The following SVIL variants were observed in gnomAD, a reference collection of about 807,000 sequenced individuals.
SVIL encodes archvillin.
In SVIL, 101 loss-of-function variants were observed where a neutral mutation model predicts 240.4. The ratio of observed to expected loss-of-function variants is 0.42; its 90% CI spans 0.36 to 0.50. The LOEUF is 0.50. Among genes scored for constraint, SVIL ranks in the 20% least tolerant of loss-of-function variants. The pLI, the probability that SVIL is intolerant of heterozygous loss-of-function variation, is 0.01. For missense variants in SVIL, 2,512 were observed against 2,818.7 expected, an observed-to-expected ratio of 0.89 and a Z score of 2.46; for synonymous variants, 999 against 1,100.0, an observed-to-expected ratio of 0.91 and a Z score of 1.82.
intron 17 of SVIL, among the ~76,000 whole-genome samples, chr10:29,506,702 A>G (rs1949337467): frequency 7.6e-6 from 1 of 131,588 alleles, no homozygotes; most frequent in South Asian, 2.5e-4. Context: ...CAGAGGCCCT[A>G]CGAGGGAGGG....
intron 17 of SVIL, among the ~76,000 whole-genome samples, chr10:29,505,927 CAA>C (rs1325549797): frequency 1.3e-5 from 2 of 152,184 alleles, no homozygotes; most frequent in African/African-American, 4.8e-5. Context: ...CACAGATGCT[CAA>C]GTCCCTGATG....
chr10:29,564,706 T>C (rs1194943846), intron 2 of SVIL, among the ~76,000 whole-genome samples: 2 of 152,222 alleles, frequency 1.3e-5, no homozygotes, highest in African/African-American at 4.8e-5. Context: ...CAAGCCCATC[T>C]GAAATCTTCG....
At chr10:29,493,128 C>A (rs1948124575) in intron 21 of SVIL, 86 bp downstream of exon 21, 10 of 1,437,150 alleles carry the variant, frequency 7.0e-6, no homozygotes, top group Non-Finnish European at 9.4e-6. Flanking sequence ...GGAGGCCACA[C>A]TGGGGGAAAA....
intron 1 of SVIL, among the ~76,000 whole-genome samples, chr10:29,731,172 T>C (rs1308362980): frequency 1.0e-5 from 1 of 99,124 alleles, no homozygotes; most frequent in African/African-American, 4.9e-5. Context: ...CTAGCCCTCA[T>C]ACTTGAAGTA....
chr10:29,730,992 TTAAGGACATGTACG>T (rs1964586893), intron 1 of SVIL, among the ~76,000 whole-genome samples: 1 of 152,190 alleles, frequency 6.6e-6, no homozygotes, highest in African/African-American at 2.4e-5. Context: ...GAAATCTTTT[TTAAGGACATGTACG>T]TAAAATTTGA....
In SVIL at chr10:29,535,053, T is replaced by C. The variant is rs370408887; in HGVS notation, c.908+936A>G. On this transcript the variant is annotated intron_variant, in intron 7 of 37. Transcript: ENST00000355867. Reference sequence around the variant, plus strand: ...AAAAGTAATTATTTATGATGTGCACTGTATGGAAAAGAATAGTTTATTTAA... The same window carrying C: ...AAAAGTAATTATTTATGATGTGCACCGTATGGAAAAGAATAGTTTATTTAA... 8.8e-4 allele frequency among the ~76,000 whole-genome samples: 134 copies of C among 152,302 alleles called. 2 individuals carry two copies. The South Asian group carries it at 0.021, about 24-fold the overall frequency.
chr10:29,533,858 G>A (rs146165480), intron 7 of SVIL, among the ~76,000 whole-genome samples: 17 of 152,244 alleles, frequency 1.1e-4, no homozygotes, highest in East Asian at 9.6e-4. Flanking sequence ...CCCAGAACAC[G>A]GACTGTGGGG....
intron 1 of SVIL, among the ~76,000 whole-genome samples, chr10:29,686,993 C>A (rs936029336): frequency 2.0e-5 from 3 of 152,170 alleles, no homozygotes; most frequent in African/African-American, 7.2e-5. Flanking sequence ...AAACTCCTTA[C>A]GCAAAATAAA....
At chr10:29,594,653 C>T (rs957791995) in intron 1 of SVIL, among the ~76,000 whole-genome samples, 1 of 151,350 alleles carries the variant, frequency 6.6e-6, no homozygotes, top group Non-Finnish European at 1.5e-5. Context: ...GCCTCCTGGG[C>T]TCAGGTGACC....
intron 21 of SVIL, 27 bp from the exon 22 acceptor site, chr10:29,491,046 C>T (rs1192645839): frequency 1.9e-5 from 30 of 1,602,490 alleles, no homozygotes; most frequent in Non-Finnish European, 2.5e-5. Context: ...AGCCGCGGTC[C>T]CAGTCTGTGA....
At chr10:29,506,572 G>C (rs71493703) in intron 17 of SVIL, among the ~76,000 whole-genome samples, 20,157 of 149,420 alleles carry the variant, frequency 0.13, 1,561 homozygotes, top group African/African-American at 0.22. Context: ...GGCCACCTGA[G>C]AGCTAAGAAA....
chr10:29,701,673 T>C (rs1962525899), intron 1 of SVIL, among the ~76,000 whole-genome samples: 1 of 152,194 alleles, frequency 6.6e-6, no homozygotes, highest in Non-Finnish European at 1.5e-5. Flanking sequence ...AAATCATTCA[T>C]CACAAATACA....
intron 16 of SVIL, among the ~76,000 whole-genome samples, chr10:29,516,590 C>A (rs187452285): frequency 2.0e-5 from 3 of 152,332 alleles, no homozygotes; most frequent in African/African-American, 7.2e-5. Flanking sequence ...CCTGCCGGTG[C>A]AATTCAAACA....
At chr10:29,630,059 A>T (rs553072535) in intron 1 of SVIL, among the ~76,000 whole-genome samples, 1 of 152,058 alleles carries the variant, frequency 6.6e-6, no homozygotes, top group South Asian at 2.1e-4. Context: ...AATGGATGGC[A>T]TGTTATTATT....
chr10:29,546,978 T>G (rs926652120), intron 6 of SVIL, among the ~76,000 whole-genome samples: 1 of 152,226 alleles, frequency 6.6e-6, no homozygotes, highest in African/African-American at 2.4e-5. Flanking sequence ...CTTCACTTGT[T>G]GATTTTAAAG....
rs185190727 is a variant in SVIL at position 29,496,177 on chromosome 10, A to T, written c.3665-996T>A. 2.1e-3 allele frequency among the ~76,000 whole-genome samples: 316 copies of T among 151,456 alleles called. 1 individual carries two copies. Among genetic ancestry groups the T allele is most frequent in the Admixed American group, 2.6e-3 (40 of 15,144 alleles). Reference sequence around the variant, plus strand: ...GTATTATAGCATTAAAAAATTTAATAAAAAAAACCATTAAATGGTTTAAAA... The same window carrying T: ...GTATTATAGCATTAAAAAATTTAATTAAAAAAACCATTAAATGGTTTAAAA... On this transcript the variant is annotated intron_variant, in intron 18 of 37. Coordinates refer to ENST00000355867, the MANE Select transcript of SVIL (RefSeq NM_021738.3).
intron 6 of SVIL, among the ~76,000 whole-genome samples, chr10:29,547,789 C>G (rs1021714865): frequency 8.5e-5 from 13 of 152,138 alleles, no homozygotes; most frequent in African/African-American, 3.1e-4. Flanking sequence ...TTCAACAGCT[C>G]TCATCATGTG....
Position 29,533,457 on chromosome 10 carries a change from C to G in SVIL, c.910G>C (p.Val304Leu). ...TTCACCAATTTTTCTCTAACTTTAA[C>G]TCTTTAAGAAAGAAAAAGGATTTAA... ...TPSLINWPSR[V>L]KVREKLVKEE... Residue 304 changes from valine (V) to leucine (L), a missense_variant and splice_region_variant, in exon 8 of 38, where the codon GTT (valine) becomes CTT (leucine). Around this residue, in one of 3 missense-constraint regions of SVIL, gnomAD observed 1,443 missense variants for 1,486.6 expected, o/e 0.97. Coordinates refer to ENST00000355867, the MANE Select transcript of SVIL (RefSeq NM_021738.3). 6.2e-7 allele frequency: 1 copy of G among 1,611,160 alleles called. No individual in the cohort carries two copies. Among genetic ancestry groups the G allele is most frequent in the Non-Finnish European group, 8.5e-7 (1 of 1,178,044 alleles).
rs114099193 is a variant in SVIL at position 29,595,570 on chromosome 10, T to C, written c.-200-26258A>G. Among the ~76,000 whole-genome samples, 985 of 152,352 alleles carry C rather than the reference T, an allele frequency of 6.5e-3. 10 individuals carry two copies. The highest frequency in any genetic ancestry group is 0.023 in the African/African-American group (938 of 41,570). On this transcript the variant is annotated intron_variant, in intron 1 of 37. Transcript: ENST00000355867. ...TTCATTTCACTAATCGTTTTCTTAA[T>C]GGAGAAAGAACTAAAAATGTAAATA...
Sources: gnomAD v4.1 joint callset for allele counts (sites outside exome capture counted in the v4.1 genomes callset) on GRCh38, gnomAD v4.1.1 for gene constraint, gnomAD v4.1.1 regional missense constraint, MANE v1.5 for transcripts, NCBI Gene and HGNC (gene_info 2026-07-23, HGNC 2026-07-21) for gene names.